The following GAN variants were observed in gnomAD, a reference collection of about 807,000 sequenced individuals.
GAN encodes epididymis secretory sperm binding protein.
Under a neutral mutation model 71.3 loss-of-function variants are expected in GAN, and 48 were observed. The observed-to-expected ratio is 0.67, with a 90% CI of 0.53 to 0.86. The LOEUF is 0.86. Among genes scored for constraint, GAN ranks in the 40% least tolerant of loss-of-function variants. The pLI, the probability that GAN is intolerant of heterozygous loss-of-function variation, is 0.00. For synonymous variants in GAN, 386 were observed against 276.8 expected (o/e 1.39, Z -3.92); for missense variants, 928 against 770.1 (o/e 1.21, Z -2.43).
chr16:81,377,167 T>A (rs1234079002), intron 9 of GAN, 52 bp from the exon 10 acceptor site: 2 of 1,054,746 alleles, frequency 1.9e-6, no homozygotes, highest in Middle Eastern at 2.0e-4. Context: ...TTCCTAGATG[T>A]TGTTGTCATC....
intron 5 of GAN, among the ~76,000 whole-genome samples, chr16:81,362,149 C>T (rs1163600230): frequency 4.6e-5 from 7 of 152,096 alleles, no homozygotes; most frequent in South Asian, 4.1e-4. Flanking sequence ...AACAGATGTG[C>T]GCTGCGGTGC....
chr16:81,348,073 G>A (rs1258266417), intron 1 of GAN, among the ~76,000 whole-genome samples: 1 of 152,076 alleles, frequency 6.6e-6, no homozygotes, highest in Non-Finnish European at 1.5e-5. Context: ...GTCTGGTCTT[G>A]AACACCTGGG....
chr16:81,330,190 C>A (rs985331256), intron 1 of GAN, among the ~76,000 whole-genome samples: 3 of 152,248 alleles, frequency 2.0e-5, no homozygotes, highest in Non-Finnish European at 2.9e-5. Context: ...TGTCTGCCTC[C>A]CTGCTCAGCC....
At chr16:81,327,962 G>C (rs896046556) in intron 1 of GAN, among the ~76,000 whole-genome samples, 2 of 152,212 alleles carry the variant, frequency 1.3e-5, no homozygotes, top group Admixed American at 6.5e-5. Flanking sequence ...CTTTCCAAAA[G>C]GTCAGGGTGT....
intron 1 of GAN, among the ~76,000 whole-genome samples, chr16:81,318,629 A>G (rs1309092471): frequency 6.6e-6 from 1 of 152,228 alleles, no homozygotes; most frequent in Non-Finnish European, 1.5e-5. Context: ...CTTTCTACTT[A>G]ATATAGAAAA....
chr16:81,333,360 C>T (rs184380194), intron 1 of GAN, among the ~76,000 whole-genome samples: 57 of 152,240 alleles, frequency 3.7e-4, no homozygotes, highest in African/African-American at 1.3e-3. Context: ...CACTAACCTG[C>T]ATTCACCAGT....
chr16:81,315,215 G>T lies in GAN; in HGVS notation c.102G>T (p.Leu34=). The T allele has an allele frequency of 1.3e-6, 2 of 1,580,972 alleles. No individual in the cohort carries two copies. The highest frequency in any genetic ancestry group is 2.4e-5 in the East Asian group (1 of 41,578). ...REESRFCDAH[L]VLDGEEIPVQ... is the part of the protein sequence containing the mutation. ...AGTCTCGCTTCTGCGACGCGCACCT[G>T]GTCCTCGACGGGGAGGAGATCCCGG... Residue 34 remains leucine (L), a synonymous_variant, in exon 1 of 11, where the codon CTG becomes CTT. Transcript: ENST00000648994.
chr16:81,331,225 A>G (rs769706343), intron 1 of GAN, among the ~76,000 whole-genome samples: 4 of 152,182 alleles, frequency 2.6e-5, no homozygotes, highest in African/African-American at 7.2e-5. Context: ...GGCAAATCCA[A>G]GTTGAGGAAC....
Position 81,378,119 on chromosome 16 carries a change from G to A in GAN, c.*523G>A, listed in dbSNP as rs138503552. The A allele has an allele frequency of 1.7e-4, 29 of 175,320 alleles. No individual in the cohort carries two copies. The highest frequency in any genetic ancestry group is 2.4e-4 in the Non-Finnish European group (19 of 80,382). 10.9% of individuals were successfully genotyped at this position (175,320 alleles called of 1,614,324 possible). ...CCTAAAATGTTAGATTGGACTGTAT[G>A]CCAGTTAGTCTCCATTTATTCCTAG... is the stretch of plus-strand genomic sequence containing the variant. On this transcript the variant is annotated 3_prime_UTR_variant, in exon 11 of 11. Transcript: ENST00000648994.
In GAN at chr16:81,348,690, T is replaced by A. The variant is rs138959333; in HGVS notation, c.168-2893T>A. 1.2e-4 allele frequency among the ~76,000 whole-genome samples: 19 copies of A among 152,340 alleles called. 1 individual carries two copies. In the East Asian group the frequency reaches 3.7e-3, roughly 29 times the overall value. On this transcript the variant is annotated intron_variant, in intron 1 of 10. Coordinates refer to ENST00000648994, the MANE Select transcript of GAN (RefSeq NM_022041.4). ...ATGTGACATGAGAAAGTTTTAGAAG[T>A]ACAGCTTCAAAATGTGCAGGAAGCT...
At chr16:81,351,499 T>C (rs1910298361) in intron 1 of GAN, 84 bp from the exon 2 acceptor site, 7 of 737,494 alleles carry the variant, frequency 9.5e-6, no homozygotes, top group East Asian at 7.8e-5. Context: ...AAGTATCTTA[T>C]ACGTTATAGA....
At chr16:81,337,830 A>G (rs1238577008) in intron 1 of GAN, among the ~76,000 whole-genome samples, 1 of 152,202 alleles carries the variant, frequency 6.6e-6, no homozygotes, top group Non-Finnish European at 1.5e-5. Flanking sequence ...AGTTTGGCCA[A>G]AGGATGGGTG....
chr16:81,350,503 T>A (rs1227365028), intron 1 of GAN, among the ~76,000 whole-genome samples: 1 of 145,850 alleles, frequency 6.9e-6, no homozygotes, highest in Admixed American at 7.3e-5. Flanking sequence ...GTTTATTTAT[T>A]TATTTACTTA....
chr16:81,334,281 A>C (rs1444316119), intron 1 of GAN, among the ~76,000 whole-genome samples: 1 of 152,160 alleles, frequency 6.6e-6, no homozygotes, highest in East Asian at 1.9e-4. Context: ...CTGTCGGGGA[A>C]GGATAGGACT....
Position 81,362,603 on chromosome 16 carries a change from A to G in GAN, c.1078A>G (p.Met360Val). The G allele has an allele frequency of 6.7e-7, 1 of 1,501,708 alleles. No homozygotes were observed. The highest frequency in any genetic ancestry group is 9.3e-7 in the Non-Finnish European group (1 of 1,077,174). 93.0% of individuals were successfully genotyped at this position (1,501,708 alleles called of 1,614,324 possible). A position where few individuals can be genotyped will look rare whatever the true frequency, so the allele number is the denominator to read the frequency against. The change falls in exon 6 of 11, where the codon ATG becomes GTG. Residue 360 changes from methionine to valine, a missense_variant. Transcript: ENST00000648994. ...DANTWTALPP[M>V]NEARHNFGIV... ...AAATACATGGACAGCATTGCCACCT[A>G]TGAACGAGGTAAAACACTAGTTGGT...
intron 1 of GAN, among the ~76,000 whole-genome samples, chr16:81,323,406 A>T (rs1909281439): frequency 6.6e-6 from 1 of 152,194 alleles, no homozygotes; most frequent in African/African-American, 2.4e-5. Context: ...CTTTATTTAT[A>T]GGCTTCTTTC....
intron 7 of GAN, among the ~76,000 whole-genome samples, chr16:81,364,292 G>A (rs189920060): frequency 2.1e-3 from 326 of 152,232 alleles, no homozygotes; most frequent in Non-Finnish European, 3.1e-3. Flanking sequence ...GTTGTTGAGA[G>A]AGGGTCTTAC....
chr16:81,379,285 G>A lies in GAN; in HGVS notation c.*1689G>A, dbSNP rs1053673404. ...TACCTGCTGGAAGTCAGTACAATGC[G>A]TCAAAAGTTGCTGAAAGATGCTGTG... On this transcript the variant is annotated 3_prime_UTR_variant, in exon 11 of 11. Coordinates refer to ENST00000648994, the MANE Select transcript of GAN (RefSeq NM_022041.4). 2.6e-5 allele frequency: 4 copies of A among 152,146 alleles called. No homozygotes were observed. The highest frequency in any genetic ancestry group is 6.5e-5 in the Admixed American group (1 of 15,268). The allele number at this position is 152,146 out of a possible 1,614,324, so 9.4% of individuals were successfully genotyped here. A position where few individuals can be genotyped will look rare whatever the true frequency, so the allele number is the denominator to read the frequency against.
rs140038564 is a variant in GAN, at chr16:81,360,088, T to C, written c.973+2157T>C. 3.7e-3 allele frequency among the ~76,000 whole-genome samples: 552 copies of C among 151,136 alleles called. 6 individuals are homozygous for C. Among genetic ancestry groups the C allele is most frequent in the African/African-American group, 0.012 (507 of 41,284 alleles). On this transcript the variant is annotated intron_variant, in intron 5 of 10. Transcript: ENST00000648994. The stretch of plus-strand genomic sequence containing the variant: ...ATGGATAGATGGATGGACAGACAGA[T>C]AGGTAGATAGATGATTGATAGACAG...
Sources: allele counts gnomAD v4.1 joint callset (sites outside exome capture counted in the v4.1 genomes callset), GRCh38; gene constraint gnomAD v4.1.1; transcripts MANE v1.5; gene names NCBI Gene and HGNC (gene_info 2026-07-23, HGNC 2026-07-21).